ENO4: variants seen among roughly 807,000 people sequenced by gnomAD.
ENO4 encodes 2-phospho-D-glycerate hydro-lyase.
In ENO4, 53 loss-of-function variants were observed where a neutral mutation model predicts 63.2. That is an observed-to-expected ratio of 0.84 (90% confidence interval 0.67 to 1.05). ENO4 has a LOEUF of 1.05. ENO4 is among the 50% of genes least tolerant of loss of function. ENO4 has a pLI of 0.00. For synonymous variants in ENO4, 266 were observed against 283.8 expected, an observed-to-expected ratio of 0.94 and a Z score of 0.63; for missense variants, 719 against 772.0, an observed-to-expected ratio of 0.93 and a Z score of 0.81.
Position 116,870,582 on chromosome 10 carries a change from C to A in ENO4, c.1048-543C>A, listed in dbSNP as rs59768579. On this transcript the variant is annotated intron_variant, in intron 8 of 13. Coordinates refer to ENST00000341276, the MANE Select transcript of ENO4 (RefSeq NM_001242699.2). The stretch of plus-strand genomic sequence containing the variant: ...CTTCAGCCTGGGGAAGTCGAGGCTG[C>A]AGAGCCACGTTCAAGCCACTGCACT... Among the ~76,000 whole-genome samples, 412 of 152,242 alleles carry A rather than the reference C, an allele frequency of 2.7e-3. 1 individual carries two copies. Among genetic ancestry groups the A allele is most frequent in the African/African-American group, 9.6e-3 (397 of 41,544 alleles).
At chr10:116,864,083 C>T (rs376631252) in intron 7 of ENO4, among the ~76,000 whole-genome samples, 2 of 152,306 alleles carry the variant, frequency 1.3e-5, no homozygotes, top group Admixed American at 1.3e-4. Context: ...CATCAGGAGC[C>T]GGTGCCACAG....
In ENO4 at chr10:116,851,650, C is replaced by T. The variant is rs77457883; in HGVS notation, c.165+1919C>T. The stretch of plus-strand genomic sequence containing the variant: ...CTAACATGCAAGTCTGACCACACTT[C>T]TCTTCCTCAGAACCTCCTGTGGCTT... On this transcript the variant is annotated intron_variant, in intron 1 of 13. Coordinates refer to ENST00000341276, the MANE Select transcript of ENO4 (RefSeq NM_001242699.2). Among the ~76,000 whole-genome samples the T allele has an allele frequency of 1.1e-3, 163 of 152,322 alleles. 1 individual carries two copies. In the East Asian group the frequency reaches 0.03, roughly 28 times the overall value.
intron 8 of ENO4, 89 bp downstream of exon 8, chr10:116,868,795 C>T: frequency 2.5e-6 from 3 of 1,222,162 alleles, no homozygotes; most frequent in Non-Finnish European, 3.5e-6. Context: ...ACTTTTTGCT[C>T]CAAGACCAGG....
intron 4 of ENO4, 111 bp from the exon 5 acceptor site, chr10:116,860,683 A>C: frequency 1.3e-6 from 1 of 763,590 alleles, no homozygotes; most frequent in Admixed American, 3.7e-5. Context: ...GTTGAGGTAG[A>C]GCATTTGTTG....
chr10:116,885,455 A>G (rs376223459), downstream of ENO4: 8 of 152,752 alleles, frequency 5.2e-5, no homozygotes, highest in African/African-American at 1.9e-4. Flanking sequence ...CTTTTTTAAA[A>G]AAAACAACAA....
intron 1 of ENO4, among the ~76,000 whole-genome samples, chr10:116,854,452 C>G (rs1466762595): frequency 6.6e-6 from 1 of 151,434 alleles, no homozygotes; most frequent in African/African-American, 2.4e-5. Flanking sequence ...CCCAGCTACT[C>G]GGAAGGCTGA....
chr10:116,903,914 G>A (rs1031331830), intron 10 of ENO4, among the ~76,000 whole-genome samples: 2 of 152,216 alleles, frequency 1.3e-5, no homozygotes, highest in Non-Finnish European at 2.9e-5. Context: ...GCCACCCAGT[G>A]TTCTCCAAGA....
chr10:116,898,701 G>A (rs1004731975), intron 10 of ENO4, among the ~76,000 whole-genome samples: 5 of 151,976 alleles, frequency 3.3e-5, no homozygotes, highest in Non-Finnish European at 5.9e-5. Flanking sequence ...GCTTTCCCAA[G>A]CCCTGATTAT....
intron 7 of ENO4, among the ~76,000 whole-genome samples, chr10:116,865,015 G>A (rs577217518): frequency 8.5e-5 from 13 of 152,162 alleles, no homozygotes; most frequent in South Asian, 6.2e-4. Context: ...GTGAGACTCC[G>A]TCTCGGGGGG....
chr10:116,874,832 C>A (rs1846784545), intron 10 of ENO4, among the ~76,000 whole-genome samples: 1 of 152,090 alleles, frequency 6.6e-6, no homozygotes, highest in Non-Finnish European at 1.5e-5. Context: ...ACCACCACAC[C>A]CAGCTAAATT....
intron 10 of ENO4, among the ~76,000 whole-genome samples, chr10:116,898,259 C>T (rs908564062): frequency 3.3e-5 from 5 of 151,234 alleles, no homozygotes; most frequent in African/African-American, 1.2e-4. Flanking sequence ...ACTTGGGTGG[C>T]GGAGGTTGCA....
At chr10:116,908,306 AG>A (rs1848052546) in intron 10 of ENO4, among the ~76,000 whole-genome samples, 1 of 152,224 alleles carries the variant, frequency 6.6e-6, no homozygotes, top group Non-Finnish European at 1.5e-5. Context: ...ATACATTAAA[AG>A]GACTATCACA....
At chr10:116,886,027 A>G, downstream of ENO4, 1 of 321,026 alleles carries the variant, frequency 3.1e-6, no homozygotes, top group Non-Finnish European at 5.7e-6. Flanking sequence ...GATGAGTGGT[A>G]TGCACATTTC....
chr10:116,906,465 G>A lies in ENO4; in HGVS notation c.1195-5034G>A, dbSNP rs552402409. Reference sequence around the variant, plus strand: ...AATAAAAATATCTAAGAGTTCTTATGAGATATCCATAAATATCTTTACCCA... The same window carrying A: ...AATAAAAATATCTAAGAGTTCTTATAAGATATCCATAAATATCTTTACCCA... On this transcript the variant is annotated intron_variant, in intron 10 of 10. Coordinates refer to the ENO4 transcript ENST00000369207. 5.3e-5 allele frequency among the ~76,000 whole-genome samples: 8 copies of A among 152,308 alleles called. No individual in the cohort carries two copies. The South Asian group carries it at 1.7e-3, about 32-fold the overall frequency.
At chr10:116,911,592 A>G (rs899829896) in exon 11 of ENO4, 6 of 1,551,078 alleles carry the variant, frequency 3.9e-6, no homozygotes, top group Admixed American at 2.0e-5. Flanking sequence ...TAGAACAAAA[A>G]CAGCACAGTG....
chr10:116,908,272 TTTTA>T (rs1228596252), intron 10 of ENO4, among the ~76,000 whole-genome samples: 39 of 152,328 alleles, frequency 2.6e-4, no homozygotes, highest in Non-Finnish European at 2.8e-4. Flanking sequence ...AAGTATCTCT[TTTTA>T]TTTTTCATTT....
chr10:116,853,305 A>AAG (rs1219806369), intron 1 of ENO4, among the ~76,000 whole-genome samples: 1 of 151,752 alleles, frequency 6.6e-6, no homozygotes, highest in African/African-American at 2.4e-5. Flanking sequence ...AAAAAAAAAA[A>AAG]AAAAAAAAAC....
downstream of ENO4, chr10:116,883,588 T>C (rs1302087113): frequency 6.6e-6 from 1 of 152,358 alleles, no homozygotes; most frequent in African/African-American, 2.4e-5. Context: ...AAGGCTGTGA[T>C]ACAGACTATC....
chr10:116,882,999 C>CAT (rs1847064978), downstream of ENO4: 1 of 151,712 alleles, frequency 6.6e-6, no homozygotes, highest in Non-Finnish European at 1.5e-5. Context: ...CACACACACA[C>CAT]ATCATGAGAC....
Sources: allele counts gnomAD v4.1 joint callset (sites outside exome capture counted in the v4.1 genomes callset), GRCh38; gene constraint gnomAD v4.1.1; transcripts MANE v1.5; gene names NCBI Gene and HGNC (gene_info 2026-07-23, HGNC 2026-07-21).